Variants in NCKAP5 observed in about 807,000 individuals in gnomAD.
The protein encoded by NCKAP5 is nck-associated protein 5.
A neutral mutation model predicts 167.0 loss-of-function variants in NCKAP5; 92 were observed. The observed-to-expected ratio is 0.55, with a 90% CI of 0.47 to 0.66. NCKAP5 has a LOEUF of 0.66. Among genes scored for constraint, NCKAP5 ranks in the 30% least tolerant of loss-of-function variants. The probability of loss-of-function intolerance (pLI) is 0.00; values close to 1 mark genes in which losing one functional copy is unlikely to be tolerated. For missense variants in NCKAP5, 2,378 were observed against 2,315.0 expected (o/e 1.03, Z -0.56); for synonymous variants, 891 against 877.4 (o/e 1.02, Z -0.27).
Position 133,346,677 on chromosome 2 carries a change from C to T in NCKAP5, c.70-43567G>A, listed in dbSNP as rs531694050. On this transcript the variant is annotated intron_variant, in intron 3 of 19. Transcript: ENST00000409261. ...AAGGAGCACTGGGTGATATGGTCAT[C>T]GGACTGGGCCATGGCCCTCACGAAA... Among the ~76,000 whole-genome samples the T allele has an allele frequency of 4.6e-5, 7 of 152,274 alleles. No homozygotes were observed. The South Asian group carries it at 1.0e-3, about 23-fold the overall frequency.
At chr2:132,675,842 A>T (rs940725562) in intron 19 of NCKAP5, among the ~76,000 whole-genome samples, 28 of 112,414 alleles carry the variant, frequency 2.5e-4, no homozygotes, top group East Asian at 6.0e-4. Flanking sequence ...ACCATTATTT[A>T]AAAAAAAAAA....
chr2:132,866,844 C>T (rs1226482540), intron 10 of NCKAP5, among the ~76,000 whole-genome samples: 3 of 152,096 alleles, frequency 2.0e-5, no homozygotes, highest in African/African-American at 7.2e-5. Context: ...TTCTCATCTG[C>T]ATTTGGAGTA....
At chr2:133,539,020 A>G (rs1308764759) in intron 2 of NCKAP5, among the ~76,000 whole-genome samples, 2 of 141,512 alleles carry the variant, frequency 1.4e-5, no homozygotes, top group African/African-American at 5.4e-5. Context: ...GACTCACTGC[A>G]AGCTCCGCCT....
intron 3 of NCKAP5, among the ~76,000 whole-genome samples, chr2:133,350,319 G>T (rs1047936899): frequency 6.6e-6 from 1 of 152,134 alleles, no homozygotes; most frequent in Non-Finnish European, 1.5e-5. Flanking sequence ...AAGCTGAGGT[G>T]GGAGGATCAC....
intron 6 of NCKAP5, among the ~76,000 whole-genome samples, chr2:133,063,298 T>C (rs2080075500): frequency 2.6e-5 from 4 of 152,210 alleles, no homozygotes; most frequent in Admixed American, 2.6e-4. Context: ...ATAATTCTAT[T>C]GTCATATCAT....
chr2:132,908,054 C>T (rs967511432), intron 8 of NCKAP5, among the ~76,000 whole-genome samples: 1 of 152,136 alleles, frequency 6.6e-6, no homozygotes, highest in South Asian at 2.1e-4. Context: ...ATAAGCAACT[C>T]CTCCTATACC....
chr2:133,188,968 ACT>A (rs2085080566), intron 5 of NCKAP5, among the ~76,000 whole-genome samples: 2 of 152,192 alleles, frequency 1.3e-5, no homozygotes, highest in African/African-American at 4.8e-5. Context: ...GACACAAAAA[ACT>A]CTTCAAAAAA....
At chr2:132,962,747 C>T (rs915788155) in intron 8 of NCKAP5, among the ~76,000 whole-genome samples, 26 of 152,114 alleles carry the variant, frequency 1.7e-4, no homozygotes, top group Non-Finnish European at 2.6e-4. Context: ...CGTGCCACCA[C>T]GCCTGGCTAA....
chr2:133,209,576 TTC>T (rs2086114476), intron 5 of NCKAP5, among the ~76,000 whole-genome samples: 2 of 151,862 alleles, frequency 1.3e-5, no homozygotes, highest in African/African-American at 4.8e-5. Flanking sequence ...TTACTTCTAC[TTC>T]TACATATGCG....
At chr2:133,663,803 A>G in the NCKAP5 span, among the ~76,000 whole-genome samples, 1 of 152,152 alleles carries the variant, frequency 6.6e-6, no homozygotes, top group African/African-American at 2.4e-5. Context: ...TCATCCATGA[A>G]GGTGAAATCA....
intron 19 of NCKAP5, among the ~76,000 whole-genome samples, chr2:132,724,645 G>A (rs1690268146): frequency 1.3e-5 from 2 of 152,058 alleles, no homozygotes; most frequent in Non-Finnish European, 2.9e-5. Context: ...AGCCAACAGG[G>A]ACAACAACCA....
At chr2:132,723,878 C>A (rs1690191077) in intron 19 of NCKAP5, among the ~76,000 whole-genome samples, 1 of 152,202 alleles carries the variant, frequency 6.6e-6, no homozygotes, top group Non-Finnish European at 1.5e-5. Flanking sequence ...TTAAACTTTG[C>A]ACGTCATGCC....
intron 4 of NCKAP5, among the ~76,000 whole-genome samples, chr2:133,292,917 C>T (rs907360293): frequency 1.3e-5 from 2 of 152,140 alleles, no homozygotes; most frequent in African/African-American, 2.4e-5. Flanking sequence ...CTGAATTTCT[C>T]GTCATCCTCT....
chr2:133,609,481 C>A, the NCKAP5 span, among the ~76,000 whole-genome samples: 1 of 152,160 alleles, frequency 6.6e-6, no homozygotes, highest in Non-Finnish European at 1.5e-5. Context: ...TTGCAAGCCA[C>A]CTTTATGAAG....
intron 2 of NCKAP5, among the ~76,000 whole-genome samples, chr2:133,536,804 T>A (rs888260790): frequency 9.9e-5 from 15 of 152,120 alleles, no homozygotes; most frequent in Admixed American, 3.9e-4. Context: ...CATTTTTTTT[T>A]AAATTTTACT....
chr2:133,484,044 T>C (rs1680692132), intron 3 of NCKAP5, among the ~76,000 whole-genome samples: 1 of 152,208 alleles, frequency 6.6e-6, no homozygotes, highest in Non-Finnish European at 1.5e-5. Flanking sequence ...TTGGCTATTA[T>C]TTTGTCCAAA....
intron 4 of NCKAP5, among the ~76,000 whole-genome samples, chr2:133,252,601 TC>T (rs1457153357): frequency 1.3e-5 from 2 of 152,168 alleles, no homozygotes; most frequent in African/African-American, 4.8e-5. Context: ...GCATGTTTCT[TC>T]TGCCCTGTCA....
At chr2:133,389,284 T>C (rs1171115358) in intron 3 of NCKAP5, among the ~76,000 whole-genome samples, 14 of 152,208 alleles carry the variant, frequency 9.2e-5, no homozygotes, top group Non-Finnish European at 1.9e-4. Flanking sequence ...TCTTGAAAGA[T>C]GTATATATCC....
At chr2:133,656,770 T>C in the NCKAP5 span, among the ~76,000 whole-genome samples, 1 of 152,304 alleles carries the variant, frequency 6.6e-6, no homozygotes, top group South Asian at 2.1e-4. Flanking sequence ...TTTTATTTCA[T>C]TATTATTATT....
Sources: gnomAD v4.1 joint callset for allele counts (sites outside exome capture counted in the v4.1 genomes callset) on GRCh38, gnomAD v4.1.1 for gene constraint, MANE v1.5 for transcripts, NCBI Gene and HGNC (gene_info 2026-07-23, HGNC 2026-07-21) for gene names.